The following PARVA variants were observed in gnomAD, a reference collection of about 807,000 sequenced individuals.
PARVA encodes the protein parvin alpha.
In PARVA, 25 loss-of-function variants were observed where a neutral mutation model predicts 52.6. The ratio of observed to expected loss-of-function variants is 0.48; its 90% CI spans 0.35 to 0.66. The LOEUF is 0.66. PARVA is among the 30% of genes least tolerant of loss of function. PARVA has a pLI of 0.01. For synonymous variants in PARVA, 185 were observed against 179.1 expected, an observed-to-expected ratio of 1.03 and a Z score of -0.26; for missense variants, 373 against 450.9, an observed-to-expected ratio of 0.83 and a Z score of 1.56.
intron 1 of PARVA, among the ~76,000 whole-genome samples, chr11:12,400,406 C>T (rs1384757603): frequency 1.3e-5 from 2 of 152,206 alleles, no homozygotes; most frequent in Non-Finnish European, 2.9e-5. Flanking sequence ...AGATTTCAAA[C>T]TACTTCAGAT....
At chr11:12,403,815 G>A (rs1294146307) in intron 1 of PARVA, among the ~76,000 whole-genome samples, 2 of 152,186 alleles carry the variant, frequency 1.3e-5, no homozygotes. Flanking sequence ...TGGTTTTGGG[G>A]TTGGCACCTC....
At chr11:12,381,470 C>T (rs1304368095) in intron 1 of PARVA, among the ~76,000 whole-genome samples, 8 of 152,168 alleles carry the variant, frequency 5.3e-5, no homozygotes, top group Admixed American at 3.9e-4. Context: ...CTATGTCCCA[C>T]TGTAGGACAC....
At chr11:12,387,799 T>C (rs1432429017) in intron 1 of PARVA, among the ~76,000 whole-genome samples, 3 of 152,078 alleles carry the variant, frequency 2.0e-5, no homozygotes, top group African/African-American at 4.8e-5. Flanking sequence ...AGATGGAATG[T>C]GAAGGCCGGT....
At chr11:12,458,899 C>T (rs1019941658) in intron 1 of PARVA, among the ~76,000 whole-genome samples, 2 of 152,200 alleles carry the variant, frequency 1.3e-5, no homozygotes, top group African/African-American at 4.8e-5. Context: ...GCCCCAGTTA[C>T]CCCCACATGA....
At chr11:12,449,520 C>T (rs1170335218) in intron 1 of PARVA, among the ~76,000 whole-genome samples, 1 of 152,148 alleles carries the variant, frequency 6.6e-6, no homozygotes, top group African/African-American at 2.4e-5. Context: ...AGGAACCTTC[C>T]CTGTTTCTGT....
At chr11:12,515,966 A>G (rs1941562530) in intron 10 of PARVA, among the ~76,000 whole-genome samples, 1 of 152,196 alleles carries the variant, frequency 6.6e-6, no homozygotes, top group Admixed American at 6.5e-5. Flanking sequence ...TCTCCTGAGC[A>G]GCTGGGACTA....
chr11:12,484,160 A>G (rs1941126196), intron 4 of PARVA, among the ~76,000 whole-genome samples: 1 of 152,194 alleles, frequency 6.6e-6, no homozygotes, highest in South Asian at 2.1e-4. Context: ...GGCATGACTG[A>G]GTGAGAGATG....
chr11:12,450,138 G>A (rs181241769), intron 1 of PARVA, among the ~76,000 whole-genome samples: 1 of 152,260 alleles, frequency 6.6e-6, no homozygotes, highest in East Asian at 1.9e-4. Flanking sequence ...CTTGCCCAAG[G>A]TCACACATCT....
intron 1 of PARVA, among the ~76,000 whole-genome samples, chr11:12,415,063 T>C (rs1940045966): frequency 6.6e-6 from 1 of 152,122 alleles, no homozygotes; most frequent in Non-Finnish European, 1.5e-5. Context: ...TTGTTTTCCA[T>C]CCCATCCCAA....
At chr11:12,465,470 T>C (rs78409455) in intron 1 of PARVA, among the ~76,000 whole-genome samples, 350 of 152,344 alleles carry the variant, frequency 2.3e-3, no homozygotes, top group Non-Finnish European at 3.7e-3. Flanking sequence ...ACTATAAATA[T>C]CATGTGTCTG....
At chr11:12,466,917 C>T (rs1179091971) in intron 1 of PARVA, among the ~76,000 whole-genome samples, 1 of 152,086 alleles carries the variant, frequency 6.6e-6, no homozygotes, top group African/African-American at 2.4e-5. Flanking sequence ...TGTCAATATC[C>T]ACAAAATAGC....
At chr11:12,473,887 C>G in intron 2 of PARVA, 26 bp from the exon 3 acceptor site, 1 of 1,564,464 alleles carries the variant, frequency 6.4e-7, no homozygotes. Context: ...GCCAGCACCC[C>G]CACTGAATTC....
intron 12 of PARVA, among the ~76,000 whole-genome samples, chr11:12,523,789 C>T (rs1176262920): frequency 2.0e-5 from 3 of 152,224 alleles, no homozygotes; most frequent in Non-Finnish European, 4.4e-5. Flanking sequence ...TGGGCCAGCA[C>T]ACAGAGGCTA....
At chr11:12,406,370 G>A (rs1182408779) in intron 1 of PARVA, among the ~76,000 whole-genome samples, 1 of 152,160 alleles carries the variant, frequency 6.6e-6, no homozygotes, top group Non-Finnish European at 1.5e-5. Context: ...GATTGTGGAT[G>A]TTACCCACAT....
upstream of PARVA, chr11:12,376,808 CCT>C (rs770943205): frequency 3.2e-5 from 23 of 717,770 alleles, no homozygotes; most frequent in East Asian, 7.9e-4. Context: ...GTATGACTCC[CCT>C]GTTATCTCAA....
chr11:12,511,647 C>T lies in PARVA; in HGVS notation c.736+114C>T, dbSNP rs1589986673. ...CTTGTCACCTGGATATACGTCTTCACCAGCCTGGGTGACATGGCCAATTGG... is the reference window on the plus strand; with the variant it reads ...CTTGTCACCTGGATATACGTCTTCATCAGCCTGGGTGACATGGCCAATTGG... On this transcript the variant is annotated intron_variant, in intron 8 of 12. Coordinates refer to ENST00000334956, the MANE Select transcript of PARVA (RefSeq NM_018222.5). 4.4e-6 allele frequency: 5 copies of T among 1,144,642 alleles called. No homozygotes were observed. The East Asian group carries it at 1.2e-4, about 29-fold the overall frequency. The allele number at this position is 1,144,642 out of a possible 1,614,324, so 70.9% of individuals were successfully genotyped here.
Position 12,404,104 on chromosome 11 carries a change from C to CT in PARVA, c.136+26334dup, listed in dbSNP as rs34339812. Among the ~76,000 whole-genome samples the CT allele has an allele frequency of 8.9e-3, 1,324 of 148,664 alleles. 7 individuals carry two copies. The highest frequency in any genetic ancestry group is 0.012 in the Non-Finnish European group (816 of 67,172). ...AGTTGGCTCACCGTTTAATATAGCT[C>CT]TTTTTTTTTTTTTAATCACTGAGAA... On this transcript the variant is annotated intron_variant, in intron 1 of 12. Transcript: ENST00000334956.
At chr11:12,412,122 G>A (rs148270754) in intron 1 of PARVA, among the ~76,000 whole-genome samples, 1 of 152,264 alleles carries the variant, frequency 6.6e-6, no homozygotes, top group Non-Finnish European at 1.5e-5. Flanking sequence ...GGTTCCCTGG[G>A]CACATCTCTC....
chr11:12,463,411 G>A (rs1309540106), intron 1 of PARVA, among the ~76,000 whole-genome samples: 1 of 152,030 alleles, frequency 6.6e-6, no homozygotes, highest in African/African-American at 2.4e-5. Context: ...AGGAGTACTG[G>A]TCAAGTATTT....
Sources: allele counts gnomAD v4.1 joint callset (sites outside exome capture counted in the v4.1 genomes callset), GRCh38; gene constraint gnomAD v4.1.1; transcripts MANE v1.5; gene names NCBI Gene and HGNC (gene_info 2026-07-23, HGNC 2026-07-21).